The following LINC00632 variants were observed in gnomAD, a reference collection of about 807,000 sequenced individuals.
LINC00632 encodes the protein long independently transcribed non-coding RNA 632.
At chrX:140,771,456 A>G (rs1396996182) in intron 3 of LINC00632, among the ~76,000 whole-genome samples, 3 of 107,771 alleles carry the variant, frequency 2.8e-5, no homozygotes, top group African/African-American at 1.0e-4. Context: ...AAATCAATTA[A>G]AACAAAAATT....
intron 2 of LINC00632, chrX:140,714,224 C>T (rs1359887145): frequency 2.5e-5 from 4 of 162,454 alleles, no homozygotes; most frequent in Non-Finnish European, 4.7e-5. Flanking sequence ...AACAGACAGA[C>T]TCACCCCATT....
chrX:140,711,097 T>C (rs1253521414), intron 1 of LINC00632, among the ~76,000 whole-genome samples: 3 of 111,578 alleles, frequency 2.7e-5, no homozygotes, highest in Non-Finnish European at 1.9e-5. Context: ...CCTCCACTGG[T>C]GTATATTGGT....
At chrX:140,786,489 A>C (rs1427124832) in exon 5 of LINC00632, among the ~76,000 whole-genome samples, 1 of 111,794 alleles carries the variant, frequency 8.9e-6, no homozygotes. Context: ...CTTGTGACTT[A>C]AATAAAACAG....
chrX:140,770,946 C>T (rs771407696), intron 3 of LINC00632, among the ~76,000 whole-genome samples: 77 of 111,532 alleles, frequency 6.9e-4, no homozygotes, highest in African/African-American at 2.5e-3. Context: ...AAAGAAACTG[C>T]GGGATCAACT....
At chrX:140,745,130 G>A (rs756718601) in intron 3 of LINC00632, among the ~76,000 whole-genome samples, 6 of 110,157 alleles carry the variant, frequency 5.4e-5, no homozygotes, top group South Asian at 3.9e-4. Flanking sequence ...TAGTGTAATC[G>A]CTATATCTCA....
chrX:140,739,386 A>C (rs1230216260), intron 3 of LINC00632, among the ~76,000 whole-genome samples: 2 of 109,287 alleles, frequency 1.8e-5, no homozygotes, highest in African/African-American at 6.7e-5. Context: ...CGCCCGGCTA[A>C]TTTTTTGGAT....
At chrX:140,752,348 C>T (rs1325836824) in intron 3 of LINC00632, among the ~76,000 whole-genome samples, 1 of 111,733 alleles carries the variant, frequency 8.9e-6, no homozygotes, top group East Asian at 2.8e-4. Flanking sequence ...CTGTCTGTCT[C>T]TAACATCAAC....
chrX:140,786,466 C>T (rs773582452), exon 5 of LINC00632, among the ~76,000 whole-genome samples: 1 of 111,495 alleles, frequency 9.0e-6, no homozygotes, highest in South Asian at 3.7e-4. Flanking sequence ...TCATTTGGTT[C>T]TCACAATATA....
At chrX:140,723,632 C>CGT (rs1930799925) in intron 2 of LINC00632, among the ~76,000 whole-genome samples, 1 of 40,589 alleles carries the variant, frequency 2.5e-5, no homozygotes, top group Admixed American at 3.2e-4. Flanking sequence ...ACATTCCATA[C>CGT]ACACACACAT....
At chrX:140,727,282 G>A (rs762534048) in intron 2 of LINC00632, among the ~76,000 whole-genome samples, 1 of 111,459 alleles carries the variant, frequency 9.0e-6, no homozygotes, top group South Asian at 3.8e-4. Flanking sequence ...ATGGAACCCC[G>A]TCACAATGAA....
At chrX:140,724,415 C>T (rs1930866918) in intron 2 of LINC00632, among the ~76,000 whole-genome samples, 1 of 102,107 alleles carries the variant, frequency 9.8e-6, no homozygotes, top group South Asian at 4.3e-4. Context: ...CATACACATA[C>T]ACACATTCCA....
chrX:140,735,426 T>A, intron 3 of LINC00632, among the ~76,000 whole-genome samples: 1 of 111,946 alleles, frequency 8.9e-6, no homozygotes, highest in Middle Eastern at 4.7e-3. Context: ...CCAAATTTAT[T>A]ACATAACTAT....
At chrX:140,764,738 T>G (rs73637754) in intron 3 of LINC00632, 3,735 of 111,689 alleles carry the variant, frequency 0.033, 159 homozygotes, top group African/African-American at 0.11. Flanking sequence ...TAACCAAGCT[T>G]GTTTCCCTGG....
chrX:140,740,756 T>C (rs759542203), intron 3 of LINC00632, among the ~76,000 whole-genome samples: 2 of 111,647 alleles, frequency 1.8e-5, no homozygotes, highest in African/African-American at 6.5e-5. Flanking sequence ...TTGAAATTCT[T>C]AATAATTTTT....
intron 3 of LINC00632, among the ~76,000 whole-genome samples, chrX:140,757,049 A>G (rs1362270473): frequency 9.0e-6 from 1 of 111,024 alleles, no homozygotes; most frequent in African/African-American, 3.3e-5. Context: ...ACCACTGCCA[A>G]GGAAGAACGT....
intron 2 of LINC00632, among the ~76,000 whole-genome samples, chrX:140,713,084 AG>A (rs1482960329): frequency 9.0e-6 from 1 of 111,035 alleles, no homozygotes; most frequent in African/African-American, 3.3e-5. Context: ...GGGCCAGGGG[AG>A]GGGTCCTGAG....
chrX:140,727,102 C>T (rs911716955), intron 2 of LINC00632, among the ~76,000 whole-genome samples: 1 of 110,982 alleles, frequency 9.0e-6, no homozygotes, highest in African/African-American at 3.3e-5. Context: ...CACAGAGCCA[C>T]CAGACCTGCA....
At chrX:140,789,553 G>A (rs1040164878) in exon 5 of LINC00632, among the ~76,000 whole-genome samples, 1 of 111,905 alleles carries the variant, frequency 8.9e-6, no homozygotes, top group African/African-American at 3.2e-5. Flanking sequence ...TAAAGAGCTA[G>A]TACCTGAGAA....
At chrX:140,717,702 G>C (rs1303837019) in intron 2 of LINC00632, among the ~76,000 whole-genome samples, 1 of 111,732 alleles carries the variant, frequency 8.9e-6, no homozygotes, top group African/African-American at 3.3e-5. Context: ...GTCTCAGACT[G>C]TCTGAGTTCC....
Sources: allele counts gnomAD v4.1 joint callset (sites outside exome capture counted in the v4.1 genomes callset), GRCh38; gene constraint gnomAD v4.1.1; transcripts MANE v1.5; gene names NCBI Gene and HGNC (gene_info 2026-07-23, HGNC 2026-07-21).